Variants in ARPP21 observed in about 807,000 individuals in gnomAD.
The protein encoded by ARPP21 is cAMP-regulated phosphoprotein 21.
In ARPP21, 69 loss-of-function variants were observed where a neutral mutation model predicts 113.2. The observed-to-expected ratio is 0.61, with a 90% CI of 0.50 to 0.74. The LOEUF is 0.74. Ranked by LOEUF, ARPP21 falls within the 30% of genes least tolerant of loss-of-function variation. The pLI is 0.00. For missense variants in ARPP21, 1,070 were observed against 1,037.4 expected, an observed-to-expected ratio of 1.03 and a Z score of -0.43; for synonymous variants, 368 against 375.5, an observed-to-expected ratio of 0.98 and a Z score of 0.23.
chr3:35,743,539 C>T (rs913578761), intron 18 of ARPP21, among the ~76,000 whole-genome samples: 22 of 152,134 alleles, frequency 1.4e-4, no homozygotes, highest in Non-Finnish European at 2.8e-4. Context: ...CTGGGTTCCC[C>T]GCCTACAGAC....
intron 19 of ARPP21, among the ~76,000 whole-genome samples, chr3:35,764,556 T>C (rs1042316543): frequency 6.6e-6 from 1 of 152,176 alleles, no homozygotes; most frequent in East Asian, 1.9e-4. Flanking sequence ...TACTGATTTA[T>C]GACAGTGAGT....
chr3:35,691,661 A>G (rs2149655558), intron 9 of ARPP21, among the ~76,000 whole-genome samples: 1 of 151,592 alleles, frequency 6.6e-6, no homozygotes, highest in South Asian at 2.1e-4. Flanking sequence ...ATACCGGTTC[A>G]TTGTTTCACT....
At chr3:35,647,041 C>T (rs1700507454) in intron 1 of ARPP21, among the ~76,000 whole-genome samples, 1 of 152,156 alleles carries the variant, frequency 6.6e-6, no homozygotes, top group Non-Finnish European at 1.5e-5. Flanking sequence ...GTTAATCTAG[C>T]ATATAATCAT....
At chr3:35,753,623 T>C (rs1351371512) in intron 19 of ARPP21, among the ~76,000 whole-genome samples, 1 of 152,034 alleles carries the variant, frequency 6.6e-6, no homozygotes, top group Non-Finnish European at 1.5e-5. Context: ...AAGATATGAT[T>C]ATCTGTGGAA....
chr3:35,783,395 C>G (rs1209907442), intron 19 of ARPP21, among the ~76,000 whole-genome samples: 1 of 152,088 alleles, frequency 6.6e-6, no homozygotes, highest in Non-Finnish European at 1.5e-5. Context: ...CTTACCCAAA[C>G]TTGAACCTGG....
At chr3:35,790,567 T>C (rs868289167) in intron 19 of ARPP21, among the ~76,000 whole-genome samples, 4 of 152,322 alleles carry the variant, frequency 2.6e-5, no homozygotes, top group Admixed American at 6.5e-5. Context: ...AACAGAGAAG[T>C]AGAAGTAGTG....
chr3:35,781,464 A>G (rs532522352), intron 19 of ARPP21: 2 of 152,314 alleles, frequency 1.3e-5, no homozygotes, highest in East Asian at 3.9e-4. Flanking sequence ...TTATTATAAA[A>G]TCTGATTTAA....
intron 1 of ARPP21, among the ~76,000 whole-genome samples, chr3:35,671,865 A>T (rs951246781): frequency 1.3e-5 from 2 of 152,044 alleles, no homozygotes; most frequent in Non-Finnish European, 2.9e-5. Flanking sequence ...ATGATAAATC[A>T]TGCAATTAAT....
At chr3:35,702,247 T>C (rs980353568) in intron 9 of ARPP21, among the ~76,000 whole-genome samples, 3 of 151,770 alleles carry the variant, frequency 2.0e-5, no homozygotes, top group Non-Finnish European at 3.0e-5. Context: ...CTCAATATTA[T>C]TGGATATAAT....
At chr3:35,673,089 G>T (rs959536364) in intron 1 of ARPP21, among the ~76,000 whole-genome samples, 5 of 152,042 alleles carry the variant, frequency 3.3e-5, no homozygotes, top group African/African-American at 1.2e-4. Flanking sequence ...GTTGAATCTT[G>T]CAGAAAGAGA....
intron 1 of ARPP21, among the ~76,000 whole-genome samples, chr3:35,662,351 G>A (rs1708221770): frequency 6.6e-6 from 1 of 152,202 alleles, no homozygotes; most frequent in Admixed American, 6.5e-5. Flanking sequence ...TTGTTAACCT[G>A]GGTTTTATCA....
At chr3:35,770,165 A>G (rs186977833) in intron 19 of ARPP21, among the ~76,000 whole-genome samples, 6 of 152,336 alleles carry the variant, frequency 3.9e-5, no homozygotes, top group Admixed American at 2.6e-4. Context: ...TCTATTTTAT[A>G]TGAGACTCTG....
chr3:35,698,607 C>T lies in ARPP21; in HGVS notation c.686+7602C>T, dbSNP rs1575982097. 1.3e-5 allele frequency among the ~76,000 whole-genome samples: 2 copies of T among 151,564 alleles called. 1 individual carries two copies. The highest frequency in any genetic ancestry group is 4.2e-4 in the South Asian group (2 of 4,812). On this transcript the variant is annotated intron_variant, in intron 9 of 20. Transcript: ENST00000684406. ...TCTTATCTAGTCAATTCACAGAAGA[C>T]CAAGATCAAAATTCAGTACTACTGT...
intron 19 of ARPP21, among the ~76,000 whole-genome samples, chr3:35,747,112 AG>A (rs1318519677): frequency 6.6e-6 from 1 of 152,144 alleles, no homozygotes; most frequent in Non-Finnish European, 1.5e-5. Flanking sequence ...GCACTTTGGG[AG>A]GTGGAGGCAG....
intron 14 of ARPP21, 25 bp from the exon 15 acceptor site, chr3:35,729,278 T>C (rs765819139): frequency 7.9e-6 from 12 of 1,525,016 alleles, no homozygotes; most frequent in Non-Finnish European, 7.3e-6. Flanking sequence ...TGTTCAATGA[T>C]TTGTTGATTG....
chr3:35,673,094 A>G (rs1051685285), intron 1 of ARPP21, among the ~76,000 whole-genome samples: 10 of 152,044 alleles, frequency 6.6e-5, no homozygotes, highest in Non-Finnish European at 5.9e-5. Context: ...ATCTTGCAGA[A>G]AGAGAATGCT....
At chr3:35,698,877 C>T (rs1337963193) in intron 9 of ARPP21, among the ~76,000 whole-genome samples, 2 of 151,550 alleles carry the variant, frequency 1.3e-5, no homozygotes, top group Admixed American at 6.6e-5. Flanking sequence ...AAAAAAAAGT[C>T]TCCAGAATCA....
intron 1 of ARPP21, among the ~76,000 whole-genome samples, chr3:35,671,462 C>T (rs2076332142): frequency 6.6e-6 from 1 of 151,920 alleles, no homozygotes; most frequent in Non-Finnish European, 1.5e-5. Flanking sequence ...TCAACACAGC[C>T]CTTTTTTGTT....
chr3:35,670,798 G>A lies in ARPP21; in HGVS notation c.-212-8989G>A, dbSNP rs151141119. Among the ~76,000 whole-genome samples, 1,103 of 152,204 alleles carry A rather than the reference G, an allele frequency of 7.2e-3. 3 individuals are homozygous for A. The highest frequency in any genetic ancestry group is 9.1e-3 in the Admixed American group (139 of 15,290). On this transcript the variant is annotated intron_variant, in intron 1 of 20. Transcript: ENST00000684406. ...GGCTCCTGAAAATGTTTTCCTCCCA[G>A]GAATGTATTCATTTATCCTTTCAAC...
Sources: allele counts gnomAD v4.1 joint callset (sites outside exome capture counted in the v4.1 genomes callset), GRCh38; gene constraint gnomAD v4.1.1; transcripts MANE v1.5; gene names NCBI Gene and HGNC (gene_info 2026-07-23, HGNC 2026-07-21).